Variants in MORC2 observed in about 807,000 individuals in gnomAD.
MORC2 encodes ATPase MORC2.
In MORC2, 30 loss-of-function variants were observed where a neutral mutation model predicts 136.0. The observed-to-expected ratio is 0.22, with a 90% CI of 0.17 to 0.30. The LOEUF (loss-of-function observed/expected upper bound fraction) is 0.30, where lower values mean the gene tolerates loss of function less well. Among genes scored for constraint, MORC2 ranks in the 10% least tolerant of loss-of-function variants. MORC2 has a pLI of 1.00. For synonymous variants in MORC2, 439 were observed against 487.0 expected (o/e 0.90, Z 1.30); for missense variants, 922 against 1,333.1 (o/e 0.69, Z 4.80).
At chr22:30,950,229 G>T in intron 4 of MORC2, 148 bp downstream of exon 4, 2 of 780,656 alleles carry the variant, frequency 2.6e-6, no homozygotes, top group Non-Finnish European at 4.2e-6. Flanking sequence ...TTAAGCCTGA[G>T]ATGTTGCAAC....
chr22:30,932,952 T>G lies in MORC2; in HGVS notation c.2459A>C (p.His820Pro), dbSNP rs776728654. Residue 820 changes from histidine to proline, a missense_variant, in exon 22 of 26, where the codon CAT becomes CCT. His to Pro is a moderately conservative substitution (Grantham distance 77, BLOSUM62 -2). Around this residue, in one of 9 missense-constraint regions of MORC2, gnomAD observed 263 missense variants for 388.3 expected, o/e 0.68. Transcript: ENST00000397641. This position sits in a 1 kb window ranked among gnomAD's most constrained non-coding sequence, Gnocchi z 4.4. ...AAACTTCACCTTCCACCGCACCACA[T>G]GCTTGCCCACCTCCACGGCTGTGAC... ...GRVTAVEVGK[H>P]VVRWKVKFDY... 6.2e-7 allele frequency: 1 copy of G among 1,614,142 alleles called. No homozygotes were observed. The highest frequency in any genetic ancestry group is 8.5e-7 in the Non-Finnish European group (1 of 1,180,008).
At position 30,932,909 on chromosome 22, in the gene MORC2, G is replaced by A. The variant is rs1285212695; in HGVS notation, c.2502C>T (p.Asp834=). The A allele has an allele frequency of 6.2e-7, 1 of 1,614,130 alleles. No individual in the cohort carries two copies. The highest frequency in any genetic ancestry group is 1.1e-5 in the South Asian group (1 of 91,084). The part of the protein sequence containing the change: ...WKVKFDYVPT[D]TTPRDRWVEK... ...ATTACCAGCGGTCTCTTGGTGTCGTGTCTGTGGGCACGTAGTCAAACTTCA... is the reference window on the plus strand; with the variant it reads ...ATTACCAGCGGTCTCTTGGTGTCGTATCTGTGGGCACGTAGTCAAACTTCA... The change falls in exon 22 of 26, where the codon GAC becomes GAT. Residue 834 remains aspartate (D), a synonymous_variant. Coordinates refer to ENST00000397641, the MANE Select transcript of MORC2 (RefSeq NM_001303256.3). The surrounding 1 kb of genome is among the most constrained non-coding windows in gnomAD (Gnocchi z 4.4).
chr22:30,967,800 G>C, intron 1 of MORC2, 22 bp downstream of exon 1: 2 of 1,550,700 alleles, frequency 1.3e-6, no homozygotes, highest in Non-Finnish European at 1.7e-6. Context: ...GGTTACCTCA[G>C]TGGCACCTAG....
intron 24 of MORC2, among the ~76,000 whole-genome samples, chr22:30,930,830 C>T (rs2040565149): frequency 6.6e-6 from 1 of 152,152 alleles, no homozygotes. Context: ...CCTGGCCTCC[C>T]CCTCCCTCCA....
chr22:30,960,395 A>C (rs2041025870), intron 1 of MORC2, among the ~76,000 whole-genome samples: 1 of 152,238 alleles, frequency 6.6e-6, no homozygotes, highest in Non-Finnish European at 1.5e-5. Flanking sequence ...TAACCAAAAG[A>C]AATTTTATCA....
chr22:30,968,506 C>A lies in MORC2; in HGVS notation c.-617G>T, dbSNP rs991677486. On this transcript the variant is annotated 5_prime_UTR_variant, in exon 1 of 26. Coordinates refer to ENST00000397641, the MANE Select transcript of MORC2 (RefSeq NM_001303256.3). ...CACTCACGATTTCTTTTTTCAAAGC[C>A]GGACCAAACCCAGTTCAGGGTGGTG... Among the ~76,000 whole-genome samples the A allele has an allele frequency of 1.3e-5, 2 of 152,158 alleles. No homozygotes were observed. The highest frequency in any genetic ancestry group is 2.9e-5 in the Non-Finnish European group (2 of 68,024).
rs932441115 is a variant in MORC2, at chr22:30,934,757, T to C, written c.2193+24A>G. On this transcript the variant is annotated intron_variant, in intron 19 of 25. Transcript: ENST00000397641. This position sits in a 1 kb window ranked among gnomAD's most constrained non-coding sequence, Gnocchi z 4.4. ...CTACACTACTGACACTGGGCTGGGG[T>C]ATTAAAGAGGACAAGCGTCTCACCG... is the stretch of plus-strand genomic sequence containing the variant. The C allele has an allele frequency of 1.2e-6, 2 of 1,610,600 alleles. No individual in the cohort carries two copies. The highest frequency in any genetic ancestry group is 2.7e-5 in the African/African-American group (2 of 74,906).
chr22:30,934,946 C>G lies in MORC2; in HGVS notation c.2028G>C (p.Lys676Asn). ...CAGTCTTGACGAGAGTGTTGGCAGG[C>G]TTTCGGGGTGCCTCAGGTGGCTGGA... ...RLLQPPEAPR[K>N]PANTLVKTAS... The change falls in exon 19 of 26, where the codon AAG (lysine) becomes AAC (asparagine). Residue 676 changes from lysine to asparagine, a missense_variant. Physicochemically the swap from Lys to Asn is moderately conservative, Grantham distance 94 (BLOSUM62 0). Transcript: ENST00000397641. This position sits in a 1 kb window ranked among gnomAD's most constrained non-coding sequence, Gnocchi z 4.4. 6.2e-7 allele frequency: 1 copy of G among 1,614,108 alleles called. No homozygotes were observed. The highest frequency in any genetic ancestry group is 8.5e-7 in the Non-Finnish European group (1 of 1,180,028).
At chr22:30,949,132 G>A (rs2040856002) in intron 5 of MORC2, among the ~76,000 whole-genome samples, 1 of 152,224 alleles carries the variant, frequency 6.6e-6, no homozygotes, top group Non-Finnish European at 1.5e-5. Context: ...GAGCATTTCA[G>A]AAATAGAAAC....
intron 25 of MORC2, 27 bp from the exon 26 acceptor site, chr22:30,926,898 C>T: frequency 6.2e-7 from 1 of 1,602,074 alleles, no homozygotes; most frequent in African/African-American, 1.3e-5. Context: ...TAGGGATCAA[C>T]TGGGGGCCAG....
Position 30,932,170 on chromosome 22 carries a change from C to G in MORC2, c.2841+189G>C. 1.7e-6 allele frequency: 1 copy of G among 597,548 alleles called. No individual in the cohort carries two copies. The highest frequency in any genetic ancestry group is 3.2e-5 in the Admixed American group (1 of 31,332). 37.0% of individuals were successfully genotyped at this position (597,548 alleles called of 1,614,324 possible). A position where few individuals can be genotyped will look rare whatever the true frequency, so the allele number is the denominator to read the frequency against. Reference sequence around the variant, plus strand: ...CACACCAGAGTCATATCCAGCTAAGCCAATTTTTTTCCCACATCATAAACT... The same window carrying G: ...CACACCAGAGTCATATCCAGCTAAGGCAATTTTTTTCCCACATCATAAACT... On this transcript the variant is annotated intron_variant, in intron 24 of 25. Coordinates refer to ENST00000397641, the MANE Select transcript of MORC2 (RefSeq NM_001303256.3). This position sits in a 1 kb window ranked among gnomAD's most constrained non-coding sequence, Gnocchi z 4.4.
chr22:30,965,072 C>G (rs1045264538), intron 1 of MORC2, among the ~76,000 whole-genome samples: 5 of 152,242 alleles, frequency 3.3e-5, no homozygotes, highest in African/African-American at 1.2e-4. Flanking sequence ...TCCAAGGACA[C>G]AGCCAGGAAA....
Position 30,926,816 on chromosome 22 carries a change from G to C in MORC2, c.3086C>G (p.Thr1029Ser). The C allele has an allele frequency of 1.2e-6, 2 of 1,613,546 alleles. No homozygotes were observed. Among genetic ancestry groups the C allele is most frequent in the Non-Finnish European group, 1.7e-6 (2 of 1,179,796 alleles). Residue 1029 changes from threonine to serine, a missense_variant, in exon 26 of 26, where the codon ACC becomes AGC. Physicochemically the swap from Thr to Ser is moderately conservative, Grantham distance 58. This residue lies in a region of MORC2 where 263 missense variants were observed against 388.3 expected (regional missense o/e 0.68). Transcript: ENST00000397641. ...ELDAYIEDLI[T>S]KGD The stretch of plus-strand genomic sequence containing the variant: ...TCTCTCCTGCCTTCAGTCCCCCTTG[G>C]TGATGAGGTCCTCAATGTAGGCGTC...
Position 30,946,589 on chromosome 22 carries a change from G to A in MORC2, c.318-140C>T, listed in dbSNP as rs1334548288. The A allele has an allele frequency of 1.9e-5, 12 of 625,696 alleles. No individual in the cohort carries two copies. In the East Asian group the frequency reaches 3.4e-4, roughly 18 times the overall value. The allele number at this position is 625,696 out of a possible 1,614,324, so 38.8% of individuals were successfully genotyped here. Reference sequence around the variant, plus strand: ...GCCCCCCCAGGTCCCAGGACTGTGTGCTGAGTTCCACAGCCCTCGTTCCCT... The same window carrying A: ...GCCCCCCCAGGTCCCAGGACTGTGTACTGAGTTCCACAGCCCTCGTTCCCT... On this transcript the variant is annotated intron_variant, in intron 5 of 25. Coordinates refer to ENST00000397641, the MANE Select transcript of MORC2 (RefSeq NM_001303256.3).
At chr22:30,939,801 A>G in intron 11 of MORC2, 95 bp from the exon 12 acceptor site, 1 of 1,393,958 alleles carries the variant, frequency 7.2e-7, no homozygotes, top group Non-Finnish European at 9.8e-7. Context: ...ATTTATCTCA[A>G]AGATGTAAAA....
Position 30,968,031 on chromosome 22 carries a change from C to T in MORC2, c.-142G>A. 9.2e-6 allele frequency: 6 copies of T among 649,334 alleles called. No homozygotes were observed. In the South Asian group the frequency reaches 1.2e-4, roughly 13 times the overall value. 40.2% of individuals were successfully genotyped at this position (649,334 alleles called of 1,614,324 possible). On this transcript the variant is annotated 5_prime_UTR_variant, in exon 1 of 26. Coordinates refer to ENST00000397641, the MANE Select transcript of MORC2 (RefSeq NM_001303256.3). ...ACAGTTAAAGTAACCTAGTAGCTAT[C>T]CAAAATATATGCAGAGATGTTTAAA...
Position 30,942,200 on chromosome 22 carries a change from G to A in MORC2, c.498C>T (p.Ala166=). Residue 166 remains alanine (A), a synonymous_variant, in exon 7 of 26, where the codon GCC becomes GCT. Coordinates refer to ENST00000397641, the MANE Select transcript of MORC2 (RefSeq NM_001303256.3). ...ACTTATAGATGAGTTCTGTCTCAAT[G>A]GCAAATTTCTCTACATTGTCTGTGA... The part of the protein sequence containing the change: ...EPVTDNVEKF[A]IETELIYKYS... 3 of 1,614,128 alleles carry A rather than the reference G, an allele frequency of 1.9e-6. No homozygotes were observed. Among genetic ancestry groups the A allele is most frequent in the Non-Finnish European group, 2.5e-6 (3 of 1,179,994 alleles).
intron 5 of MORC2, among the ~76,000 whole-genome samples, chr22:30,949,197 A>G (rs781483650): frequency 2.6e-5 from 4 of 152,178 alleles, no homozygotes; most frequent in Non-Finnish European, 4.4e-5. Flanking sequence ...ACACTAACCA[A>G]CTGGGAACTA....
At chr22:30,933,979 G>A (rs2040615816) in intron 20 of MORC2, 81 bp downstream of exon 20, 1 of 1,499,414 alleles carries the variant, frequency 6.7e-7, no homozygotes, top group African/African-American at 1.4e-5. Flanking sequence ...GGTATAGACT[G>A]CTGATGGGGG....
Sources: gnomAD v4.1 joint callset for allele counts (sites outside exome capture counted in the v4.1 genomes callset) on GRCh38, gnomAD v4.1.1 for gene constraint, gnomAD v4.1.1 regional missense constraint, Gnocchi (gnomAD v3.1) non-coding constraint, MANE v1.5 for transcripts, NCBI Gene and HGNC (gene_info 2026-07-23, HGNC 2026-07-21) for gene names.